The following HSPG2 variants were observed in gnomAD, a reference collection of about 807,000 sequenced individuals.
The protein encoded by HSPG2 is heparan sulfate proteoglycan 2.
A neutral mutation model predicts 526.6 loss-of-function variants in HSPG2; 278 were observed. That is an observed-to-expected ratio of 0.53 (90% CI 0.48 to 0.58). The LOEUF is 0.58. Ranked by LOEUF, HSPG2 falls within the 20% of genes least tolerant of loss-of-function variation. The pLI is 0.00. For missense variants in HSPG2, 5,354 were observed against 6,099.5 expected (o/e 0.88, Z 4.07); for synonymous variants, 2,465 against 2,555.4 (o/e 0.96, Z 1.07).
In HSPG2 at chr1:21,848,755, G is replaced by C. The variant is rs762980959; in HGVS notation, c.7625C>G (p.Ser2542Ter). The change falls in exon 59 of 97, where the codon TCA (serine) becomes TGA (stop). Residue 2542 changes from serine to a stop codon, truncating the protein, a stop_gained. Transcript: ENST00000374695. LOFTEE classifies it high-confidence loss of function. This position sits in a 1 kb window ranked among gnomAD's most constrained non-coding sequence, Gnocchi z 4.9. ...VAYPVRIESS[S>*]ASLANGHTLD... ...GGTGTGTCCATTGGCCAGGGAGGCTGAGGAGGACTCGATGCGGACGGGGTA... is the reference window on the plus strand; with the variant it reads ...GGTGTGTCCATTGGCCAGGGAGGCTCAGGAGGACTCGATGCGGACGGGGTA... 1 of 1,613,998 alleles carries C rather than the reference G, an allele frequency of 6.2e-7. No individual in the cohort carries two copies. The highest frequency in any genetic ancestry group is 1.7e-5 in the Admixed American group (1 of 60,016).
intron 1 of HSPG2, 97 bp downstream of exon 1, chr1:21,937,058 G>T: frequency 2.7e-6 from 1 of 377,238 alleles, no homozygotes; most frequent in Non-Finnish European, 3.7e-6. Flanking sequence ...GCGCAGCCTT[G>T]GGCGCCCCAG....
At position 21,842,602 on chromosome 1, in the gene HSPG2, GA is replaced by G. The variant is rs200659718; in HGVS notation, c.8910+167del. Among the ~76,000 whole-genome samples the G allele has an allele frequency of 7.6e-3, 1,154 of 152,282 alleles. 16 individuals carry two copies. Among genetic ancestry groups the G allele is most frequent in the African/African-American group, 0.026 (1,092 of 41,548 alleles). The stretch of plus-strand genomic sequence containing the variant: ...AAAGGATTCAGCTGCAGAGCCAAGA[GA>G]AAAACCCAGGTCTCCTGATTTGCAG... On this transcript the variant is annotated intron_variant, in intron 67 of 96. Coordinates refer to ENST00000374695, the MANE Select transcript of HSPG2 (RefSeq NM_005529.7).
In HSPG2 at chr1:21,842,111, C is replaced by A; in HGVS notation, c.9084G>T (p.Pro3028=). 1 of 1,613,588 alleles carries A rather than the reference C, an allele frequency of 6.2e-7. No individual in the cohort carries two copies. Among genetic ancestry groups the A allele is most frequent in the Non-Finnish European group, 8.5e-7 (1 of 1,179,988 alleles). The change falls in exon 69 of 97, where the codon CCG becomes CCT. Residue 3028 remains proline, a synonymous_variant. Coordinates refer to ENST00000374695, the MANE Select transcript of HSPG2 (RefSeq NM_005529.7). ...RLRSPVISID[P]PSSTVQQGQD... The stretch of plus-strand genomic sequence containing the variant: ...GGCCCTGCTGCACGGTGCTGCTGGG[C>A]GGGTCGATGGAGATGACCGGGCTCC...
chr1:21,852,114 C>T lies in HSPG2; in HGVS notation c.6844G>A (p.Gly2282Arg). The T allele has an allele frequency of 1.2e-6, 2 of 1,613,766 alleles. No homozygotes were observed. Among genetic ancestry groups the T allele is most frequent in the South Asian group, 2.2e-5 (2 of 91,080 alleles). ...AHAQVTWYKRGGSLPARHQVR... is the reference protein window; with the variant it reads ...AHAQVTWYKRRGSLPARHQVR... ...TGGTGCCGGGCAGGGAGGCTGCCCC[C>T]ACGCTTGTACCATGTGACCTGGGCG... The change falls in exon 53 of 97, where the codon GGG (glycine) becomes AGG (arginine). Residue 2282 changes from glycine (G) to arginine (R), a missense_variant. By Grantham distance (125) the Gly-to-Arg change is moderately radical (BLOSUM62 -2). Coordinates refer to ENST00000374695, the MANE Select transcript of HSPG2 (RefSeq NM_005529.7).
At chr1:21,851,730 T>C (rs371969759) in intron 54 of HSPG2, 33 bp from the exon 55 acceptor site, 3 of 1,613,864 alleles carry the variant, frequency 1.9e-6, no homozygotes, top group South Asian at 1.1e-5. Flanking sequence ...GTCACTCCTG[T>C]TCTCTGAAGC....
intron 1 of HSPG2, among the ~76,000 whole-genome samples, chr1:21,929,952 C>G (rs1322764025): frequency 6.6e-6 from 1 of 152,160 alleles, no homozygotes; most frequent in African/African-American, 2.4e-5. Flanking sequence ...GTGCTCCTCT[C>G]CACACAGCAG....
At chr1:21,901,455 C>T (rs920586106) in intron 1 of HSPG2, among the ~76,000 whole-genome samples, 1 of 151,936 alleles carries the variant, frequency 6.6e-6, no homozygotes, top group Admixed American at 6.6e-5. Flanking sequence ...AAGGGAGGAG[C>T]CTGGCTGAGT....
rs757800763 is a variant in HSPG2, at chr1:21,848,882, G to A, written c.7585+11C>T. On this transcript the variant is annotated intron_variant, in intron 58 of 96. Coordinates refer to ENST00000374695, the MANE Select transcript of HSPG2 (RefSeq NM_005529.7). This position sits in a 1 kb window ranked among gnomAD's most constrained non-coding sequence, Gnocchi z 4.9. ...GCCCTCCACCATTTGCATGACCCCCGAGACACTCACAGTGGGAGCCACTAA... is the reference window on the plus strand; with the variant it reads ...GCCCTCCACCATTTGCATGACCCCCAAGACACTCACAGTGGGAGCCACTAA... 8.7e-6 allele frequency: 14 copies of A among 1,613,458 alleles called. No individual in the cohort carries two copies. The highest frequency in any genetic ancestry group is 1.6e-4 in the Middle Eastern group (1 of 6,084).
chr1:21,905,170 CCCACACA>C (rs1643307350), intron 1 of HSPG2, among the ~76,000 whole-genome samples: 5 of 85,856 alleles, frequency 5.8e-5, no homozygotes, highest in Admixed American at 1.4e-4. Context: ...CCACCACCCA[CCCACACA>C]CACACACACA....
At chr1:21,830,355 C>G in intron 85 of HSPG2, 1 of 525,494 alleles carries the variant, frequency 1.9e-6, no homozygotes, top group South Asian at 2.1e-5. Flanking sequence ...AGGGGGAGCA[C>G]CTGGTGGCGG....
In HSPG2 at chr1:21,843,319, G is replaced by C. The variant is rs2098057207; in HGVS notation, c.8736C>G (p.Pro2912=). The C allele has an allele frequency of 6.2e-7, 1 of 1,613,960 alleles. No homozygotes were observed. Among genetic ancestry groups the C allele is most frequent in the African/African-American group, 1.3e-5 (1 of 74,936 alleles). Reference sequence around the variant, plus strand: ...CACCAGGAATGGGTCCTGGGCTGGAGGGCTCAATTGTGACCAGGACAGATG... The same window carrying C: ...CACCAGGAATGGGTCCTGGGCTGGACGGCTCAATTGTGACCAGGACAGATG... ...LEASVLVTIE[P]SSPGPIPAPG... is the part of the protein sequence containing the mutation. Residue 2912 remains proline (P), a synonymous_variant, in exon 66 of 97, where the codon CCC becomes CCG. Coordinates refer to ENST00000374695, the MANE Select transcript of HSPG2 (RefSeq NM_005529.7).
At chr1:21,843,270 C>T in intron 66 of HSPG2, 27 bp downstream of exon 66, 1 of 1,613,710 alleles carries the variant, frequency 6.2e-7, no homozygotes, top group Non-Finnish European at 8.5e-7. Flanking sequence ...TGTGCTCTGG[C>T]ATCGCCCACT....
intron 70 of HSPG2, 68 bp downstream of exon 70, chr1:21,841,471 T>TGGA: frequency 1.9e-6 from 3 of 1,604,240 alleles, no homozygotes; most frequent in Non-Finnish European, 2.6e-6. Flanking sequence ...GATTTAAACT[T>TGGA]GGAGGCTCTG....
intron 1 of HSPG2, among the ~76,000 whole-genome samples, chr1:21,905,202 C>A (rs1024706385): frequency 6.7e-6 from 1 of 148,212 alleles, no homozygotes; most frequent in East Asian, 2.0e-4. Flanking sequence ...CACACACACA[C>A]AATCATGGTC....
At position 21,872,230 on chromosome 1, in the gene HSPG2, C is replaced by G. The variant is rs1640705767; in HGVS notation, c.4177G>C (p.Glu1393Gln). 2 of 1,552,446 alleles carry G rather than the reference C, an allele frequency of 1.3e-6. No homozygotes were observed. Among genetic ancestry groups the G allele is most frequent in the Non-Finnish European group, 1.7e-6 (2 of 1,147,352 alleles). Residue 1393 changes from glutamate (E) to glutamine (Q), a missense_variant, in exon 33 of 97, where the codon GAG (glutamate) becomes CAG (glutamine). Transcript: ENST00000374695. This position sits in a 1 kb window ranked among gnomAD's most constrained non-coding sequence, Gnocchi z 5.5. ...TCCGGCAGCTGCCAGTAGAAGGACT[C>G]ATGGCCGAGTTGGGCAAAGTTGCCA... ...SFGNFAQLGH[E>Q]SFYWQLPETY...
chr1:21,872,431 G>C lies in HSPG2; in HGVS notation c.4030-54C>G. The C allele has an allele frequency of 6.7e-7, 1 of 1,496,246 alleles. No homozygotes were observed. The highest frequency in any genetic ancestry group is 9.1e-7 in the Non-Finnish European group (1 of 1,104,480). The allele number at this position is 1,496,246 out of a possible 1,614,324, so 92.7% of individuals were successfully genotyped here. A position where few individuals can be genotyped will look rare whatever the true frequency, so the allele number is the denominator to read the frequency against. On this transcript the variant is annotated intron_variant, in intron 32 of 96. Transcript: ENST00000374695. The surrounding 1 kb of genome is among the most constrained non-coding windows in gnomAD (Gnocchi z 5.5). ...GCCTGAGCACCGGGGTGCCTTGGTG[G>C]GGGATGGGGCACGGGAGGGTGTTAA...
At chr1:21,919,754 C>T (rs943728976) in intron 1 of HSPG2, among the ~76,000 whole-genome samples, 27 of 152,186 alleles carry the variant, frequency 1.8e-4, no homozygotes, top group East Asian at 1.2e-3. Flanking sequence ...TTCTGACAAG[C>T]TCCCAGTTGA....
intron 86 of HSPG2, 33 bp downstream of exon 86, chr1:21,829,960 G>A: frequency 6.5e-7 from 1 of 1,549,928 alleles, no homozygotes. Context: ...CTGACACTAG[G>A]ACCCTGGGGG....
chr1:21,918,027 ATACT>A (rs930181034), intron 1 of HSPG2, among the ~76,000 whole-genome samples: 25 of 152,176 alleles, frequency 1.6e-4, no homozygotes, highest in Non-Finnish European at 1.3e-4. Context: ...TAATAAACAA[ATACT>A]TACTATGTTG....
Sources: allele counts gnomAD v4.1 joint callset (sites outside exome capture counted in the v4.1 genomes callset), GRCh38; gene constraint gnomAD v4.1.1; non-coding constraint Gnocchi (gnomAD v3.1); transcripts MANE v1.5; gene names NCBI Gene and HGNC (gene_info 2026-07-23, HGNC 2026-07-21).